The following DCTN4 variants were observed in gnomAD, a reference collection of about 807,000 sequenced individuals.
DCTN4 encodes dynactin subunit 4, also known as dynactin 4 (p62).
In DCTN4, 23 loss-of-function variants were observed where a neutral mutation model predicts 62.7. The observed-to-expected ratio is 0.37, with a 90% CI of 0.26 to 0.52. The LOEUF (loss-of-function observed/expected upper bound fraction) is 0.52. Among genes scored for constraint, DCTN4 ranks in the 20% least tolerant of loss-of-function variants. DCTN4 has a pLI of 0.92. For missense variants in DCTN4, 514 were observed against 580.4 expected (o/e 0.89, Z 1.18); for synonymous variants, 199 against 202.1 (o/e 0.98, Z 0.13).
At chr5:150,719,650 C>A in intron 10 of DCTN4, 66 bp downstream of exon 10, 1 of 1,149,626 alleles carries the variant, frequency 8.7e-7, no homozygotes. Flanking sequence ...CACAGCCACC[C>A]ACATACACAT....
chr5:150,723,991 T>C (rs1760048869), intron 8 of DCTN4, among the ~76,000 whole-genome samples: 1 of 152,356 alleles, frequency 6.6e-6, no homozygotes, highest in African/African-American at 2.4e-5. Flanking sequence ...ATTTTGCTAC[T>C]GTAAGTAATG....
chr5:150,746,721 T>C (rs936556575), intron 3 of DCTN4, among the ~76,000 whole-genome samples: 1 of 152,166 alleles, frequency 6.6e-6, no homozygotes, highest in Non-Finnish European at 1.5e-5. Context: ...AGAAAAGGCC[T>C]TTGACAAAAT....
At chr5:150,732,399 C>T (rs763186596) in intron 5 of DCTN4, among the ~76,000 whole-genome samples, 3 of 152,236 alleles carry the variant, frequency 2.0e-5, no homozygotes, top group Non-Finnish European at 4.4e-5. Context: ...GATCCCCCCG[C>T]CTCAGCCTCC....
At chr5:150,719,613 C>G in intron 10 of DCTN4, 103 bp downstream of exon 10, 1 of 801,540 alleles carries the variant, frequency 1.2e-6, no homozygotes, top group Non-Finnish European at 2.1e-6. Context: ...CTATCCCTTG[C>G]TCACTGGATC....
chr5:150,731,105 A>T lies in DCTN4; in HGVS notation c.663T>A (p.Ala221=). 1 of 1,613,568 alleles carries T rather than the reference A, an allele frequency of 6.2e-7. No individual in the cohort carries two copies. Among genetic ancestry groups the T allele is most frequent in the Non-Finnish European group, 8.5e-7 (1 of 1,179,476 alleles). The part of the protein sequence containing the change: ...QKEIKIEPAQ[A]VDEVEPLPED... ...CAGGTAGAGGTTCCACTTCATCCACAGCCTGAGCTGGCTCAATCTTTATCT... is the reference window on the plus strand; with the variant it reads ...CAGGTAGAGGTTCCACTTCATCCACTGCCTGAGCTGGCTCAATCTTTATCT... Residue 221 remains alanine, a synonymous_variant, in exon 7 of 13, where the codon GCT becomes GCA. Coordinates refer to ENST00000447998, the MANE Select transcript of DCTN4 (RefSeq NM_016221.4).
At chr5:150,728,297 GACTT>G (rs1221069761) in intron 8 of DCTN4, among the ~76,000 whole-genome samples, 9 of 152,118 alleles carry the variant, frequency 5.9e-5, no homozygotes, top group African/African-American at 2.2e-4. Flanking sequence ...AAAATGTTCA[GACTT>G]ACTTTATAAT....
intron 4 of DCTN4, among the ~76,000 whole-genome samples, chr5:150,735,031 T>C (rs1760524991): frequency 6.6e-6 from 1 of 152,128 alleles, no homozygotes; most frequent in Non-Finnish European, 1.5e-5. Flanking sequence ...CACCTGATGG[T>C]CTTTCTCTAC....
Position 150,731,025 on chromosome 5 carries a change from G to GAAAA in DCTN4, c.724+15_724+18dup. 7.0e-7 allele frequency: 1 copy of GAAAA among 1,424,410 alleles called. No individual in the cohort carries two copies. The highest frequency in any genetic ancestry group is 9.8e-7 in the Non-Finnish European group (1 of 1,015,568). 88.2% of individuals were successfully genotyped at this position (1,424,410 alleles called of 1,614,324 possible). On this transcript the variant is annotated intron_variant, in intron 7 of 12. Transcript: ENST00000447998. ...TTAGATGTAGACTAGAAACAAAGTA[G>GAAAA]AAAAACACAGAAAATTACCCTCTGT...
At chr5:150,758,660 C>A in intron 1 of DCTN4, 199 bp downstream of exon 1, 4 of 1,244,056 alleles carry the variant, frequency 3.2e-6, no homozygotes, top group Non-Finnish European at 4.3e-6. Flanking sequence ...ACCAGAAGAT[C>A]CGCTCAGTCC....
At position 150,710,404 on chromosome 5, in the gene DCTN4, G is replaced by C. The variant is rs200828868; in HGVS notation, c.*745C>G. ...ATTGTGGCAATATTGAAAACGAATG[G>C]AATCTGCTACCCCCTTGACATGACA... On this transcript the variant is annotated 3_prime_UTR_variant, in exon 13 of 13. Transcript: ENST00000447998. 2.6e-5 allele frequency: 4 copies of C among 152,216 alleles called. No homozygotes were observed. The East Asian group carries it at 5.6e-4, about 21-fold the overall frequency. The allele number at this position is 152,216 out of a possible 1,614,324, so 9.4% of individuals were successfully genotyped here.
intron 9 of DCTN4, among the ~76,000 whole-genome samples, chr5:150,720,276 T>A (rs935845155): frequency 2.6e-5 from 4 of 152,204 alleles, no homozygotes; most frequent in Non-Finnish European, 5.9e-5. Context: ...TAGAATCAGA[T>A]ATTTAAACTT....
intron 12 of DCTN4, among the ~76,000 whole-genome samples, chr5:150,714,448 C>G (rs997954750): frequency 1.3e-5 from 2 of 152,030 alleles, no homozygotes; most frequent in Non-Finnish European, 2.9e-5. Context: ...ACAATCACAG[C>G]TGACTGCAGC....
chr5:150,742,198 GATA>G (rs1561704254), intron 3 of DCTN4, 41 bp from the exon 4 acceptor site: 1 of 1,592,490 alleles, frequency 6.3e-7, no homozygotes, highest in Admixed American at 1.7e-5. Flanking sequence ...TTCATAATGT[GATA>G]ATTTTATTTT....
chr5:150,726,433 TA>T (rs1760148845), intron 8 of DCTN4, among the ~76,000 whole-genome samples: 3 of 152,172 alleles, frequency 2.0e-5, no homozygotes, highest in African/African-American at 4.8e-5. Context: ...TTAGTTTGTA[TA>T]AAATAACTTC....
At position 150,753,363 on chromosome 5, in the gene DCTN4, C is replaced by T. The variant is rs7729290; in HGVS notation, c.385+116G>A. 18 of 869,316 alleles carry T rather than the reference C, an allele frequency of 2.1e-5. No individual in the cohort carries two copies. In the African/African-American group the frequency reaches 3.0e-4, roughly 15 times the overall value. The allele number at this position is 869,316 out of a possible 1,614,324, so 53.9% of individuals were successfully genotyped here. On this transcript the variant is annotated intron_variant, in intron 3 of 12. Transcript: ENST00000447998. ...TATGGGAACACAGAAGAGTTAATGACAAAATATTCTGAATTTAGCTCCTAT... is the reference window on the plus strand; with the variant it reads ...TATGGGAACACAGAAGAGTTAATGATAAAATATTCTGAATTTAGCTCCTAT...
At position 150,715,666 on chromosome 5, in the gene DCTN4, G is replaced by A. The variant is rs773731470; in HGVS notation, c.1072-4C>T. On this transcript the variant is annotated splice_polypyrimidine_tract_variant and splice_region_variant and intron_variant, in intron 11 of 12. Coordinates refer to ENST00000447998, the MANE Select transcript of DCTN4 (RefSeq NM_016221.4). Reference sequence around the variant, plus strand: ...GCTCTTTGGGAGGCACCACCACCTGGAGAGCAACACAGAGAGGCCTGCCTG... The same window carrying A: ...GCTCTTTGGGAGGCACCACCACCTGAAGAGCAACACAGAGAGGCCTGCCTG... 2 of 1,613,692 alleles carry A rather than the reference G, an allele frequency of 1.2e-6. No individual in the cohort carries two copies. Among genetic ancestry groups the A allele is most frequent in the South Asian group, 1.1e-5 (1 of 91,074 alleles).
chr5:150,755,509 G>A (rs529448449), intron 2 of DCTN4: 11 of 456,260 alleles, frequency 2.4e-5, no homozygotes, highest in Admixed American at 7.0e-5. Flanking sequence ...TTGATATGAT[G>A]TAATCAAAGA....
chr5:150,749,669 A>G (rs1752601253), intron 3 of DCTN4, among the ~76,000 whole-genome samples: 3 of 151,620 alleles, frequency 2.0e-5, no homozygotes, highest in Admixed American at 1.3e-4. Context: ...AAATAAAAAA[A>G]AATAAAAATA....
At chr5:150,720,146 G>A (rs993569554) in intron 9 of DCTN4, among the ~76,000 whole-genome samples, 1 of 152,180 alleles carries the variant, frequency 6.6e-6, no homozygotes, top group Admixed American at 6.5e-5. Flanking sequence ...AAGAATACAT[G>A]CAAGAATGCT....
Sources: allele counts gnomAD v4.1 joint callset (sites outside exome capture counted in the v4.1 genomes callset), GRCh38; gene constraint gnomAD v4.1.1; transcripts MANE v1.5; gene names NCBI Gene and HGNC (gene_info 2026-07-23, HGNC 2026-07-21).